ARHGAP39: variants seen among roughly 807,000 people sequenced by gnomAD.
ARHGAP39 encodes rho GTPase-activating protein 39.
In ARHGAP39, 44 loss-of-function variants were observed where a neutral mutation model predicts 106.9. The observed-to-expected ratio is 0.41, with a 90% CI of 0.32 to 0.53. ARHGAP39 has a LOEUF of 0.53. Ranked by LOEUF, ARHGAP39 falls within the 20% of genes least tolerant of loss-of-function variation. The pLI is 0.21. For synonymous variants in ARHGAP39, 768 were observed against 693.2 expected, an observed-to-expected ratio of 1.11 and a Z score of -1.69; for missense variants, 1,496 against 1,577.3, an observed-to-expected ratio of 0.95 and a Z score of 0.87.
intron 1 of ARHGAP39, among the ~76,000 whole-genome samples, chr8:144,606,932 A>G (rs535724641): frequency 6.6e-6 from 1 of 152,232 alleles, no homozygotes; most frequent in Admixed American, 6.5e-5. Context: ...CAATGCACAA[A>G]AGAAAAATTA....
At chr8:144,689,741 ATTTTT>A (rs71320838), upstream of ARHGAP39, among the ~76,000 whole-genome samples, 4 of 119,910 alleles carry the variant, frequency 3.3e-5, no homozygotes, top group Non-Finnish European at 1.7e-5. Context: ...CACCTGACTA[ATTTTT>A]TTTTTTTTTT....
At chr8:144,685,162 G>A (rs1208139432) in intron 1 of ARHGAP39, among the ~76,000 whole-genome samples, 4 of 148,602 alleles carry the variant, frequency 2.7e-5, no homozygotes, top group African/African-American at 9.9e-5. Context: ...CACCTCCCTC[G>A]GGCAGGAGCA....
At chr8:144,602,192 T>G (rs369372480) in intron 2 of ARHGAP39, among the ~76,000 whole-genome samples, 1 of 140,834 alleles carries the variant, frequency 7.1e-6, no homozygotes, top group Admixed American at 7.4e-5. Context: ...TGTACCTGTG[T>G]GTGCATGGAG....
intron 2 of ARHGAP39, among the ~76,000 whole-genome samples, chr8:144,597,893 C>T (rs1215875152): frequency 4.6e-5 from 7 of 152,058 alleles, no homozygotes; most frequent in South Asian, 4.2e-4. Flanking sequence ...CAACGGTACC[C>T]GGAACAGACA....
chr8:144,629,037 C>G (rs757512403), intron 1 of ARHGAP39, among the ~76,000 whole-genome samples: 30 of 152,224 alleles, frequency 2.0e-4, no homozygotes, highest in Non-Finnish European at 4.1e-4. Flanking sequence ...CCTCCCTCCC[C>G]CAAAGGTGTT....
chr8:144,588,391 C>T (rs1475197871), intron 2 of ARHGAP39, among the ~76,000 whole-genome samples: 6 of 152,262 alleles, frequency 3.9e-5, no homozygotes, highest in East Asian at 3.8e-4. Context: ...TGCACCTCCT[C>T]GAACACTTCT....
intron 3 of ARHGAP39, among the ~76,000 whole-genome samples, chr8:144,577,362 A>C (rs1346514834): frequency 6.6e-6 from 1 of 152,220 alleles, no homozygotes; most frequent in African/African-American, 2.4e-5. Flanking sequence ...ATCTTAACTG[A>C]TACAGAAAAG....
At chr8:144,538,613 G>C (rs1257656909) in intron 6 of ARHGAP39, among the ~76,000 whole-genome samples, 1 of 152,268 alleles carries the variant, frequency 6.6e-6, no homozygotes, top group Non-Finnish European at 1.5e-5. Context: ...GCTGGAGTGA[G>C]TGGTGCGATC....
chr8:144,543,240 T>G (rs766334857), intron 6 of ARHGAP39, among the ~76,000 whole-genome samples: 1 of 152,098 alleles, frequency 6.6e-6, no homozygotes, highest in African/African-American at 2.4e-5. Flanking sequence ...CCCAGAGTGC[T>G]GGGATTCCAG....
At chr8:144,561,416 T>C (rs900145087) in intron 3 of ARHGAP39, among the ~76,000 whole-genome samples, 1 of 145,436 alleles carries the variant, frequency 6.9e-6, no homozygotes, top group African/African-American at 2.5e-5. Context: ...ACTCCAGTGG[T>C]TTCCATCACA....
At chr8:144,557,612 G>C (rs370092908) in intron 3 of ARHGAP39, among the ~76,000 whole-genome samples, 48 of 73,854 alleles carry the variant, frequency 6.5e-4, no homozygotes, top group African/African-American at 1.0e-3. Context: ...AGAGGCAAAG[G>C]CTGAACCTTC....
intron 1 of ARHGAP39, among the ~76,000 whole-genome samples, chr8:144,667,552 C>T (rs866471029): frequency 6.6e-6 from 1 of 152,212 alleles, no homozygotes; most frequent in Non-Finnish European, 1.5e-5. Context: ...TGGGATGTCC[C>T]GGCACCTGGG....
intron 1 of ARHGAP39, among the ~76,000 whole-genome samples, chr8:144,628,471 C>G (rs1820981114): frequency 6.6e-6 from 1 of 152,124 alleles, no homozygotes. Flanking sequence ...AAACGGCAAT[C>G]CTGAATGTAC....
Position 144,641,437 on chromosome 8 carries a change from T to A in ARHGAP39, c.-81-35742A>T, listed in dbSNP as rs1821311402. Among the ~76,000 whole-genome samples, 1 of 150,352 alleles carries A rather than the reference T, an allele frequency of 6.7e-6. No homozygotes were observed. The highest frequency in any genetic ancestry group is 1.5e-5 in the Non-Finnish European group (1 of 67,632). The stretch of plus-strand genomic sequence containing the variant: ...GAAGCTGACCACCAAGACCCCACCA[T>A]GCTCACATCGAGGAGGAATGCAGTG... On this transcript the variant is annotated intron_variant, in intron 1 of 11. Coordinates refer to ENST00000377307, the MANE Select transcript of ARHGAP39 (RefSeq NM_025251.3). This position sits in a 1 kb window ranked among gnomAD's most constrained non-coding sequence, Gnocchi z 5.2.
rs1822075336 is a variant in ARHGAP39, at chr8:144,670,514, G to T, written c.-82+15172C>A. ...TGATGTGCTCCGGACATAAAAGCCT[G>T]GGCAAGGCTTCAAGAAGACTATTTT... is the stretch of plus-strand genomic sequence containing the variant. On this transcript the variant is annotated intron_variant, in intron 1 of 11. Coordinates refer to ENST00000377307, the MANE Select transcript of ARHGAP39 (RefSeq NM_025251.3). This position sits in a 1 kb window ranked among gnomAD's most constrained non-coding sequence, Gnocchi z 4.4. Among the ~76,000 whole-genome samples the T allele has an allele frequency of 1.3e-5, 2 of 152,158 alleles. No individual in the cohort carries two copies. Among genetic ancestry groups the T allele is most frequent in the Admixed American group, 1.3e-4 (2 of 15,276 alleles).
At chr8:144,688,043 C>T (rs1341617010), upstream of ARHGAP39, among the ~76,000 whole-genome samples, 3 of 152,220 alleles carry the variant, frequency 2.0e-5, no homozygotes, top group Admixed American at 6.5e-5. Flanking sequence ...CATTTCCCAC[C>T]CTGGTGACCA....
rs560716160 is a variant in ARHGAP39 at position 144,536,660 on chromosome 8, G to A, written c.2614+1061C>T. On this transcript the variant is annotated intron_variant, in intron 7 of 11. Transcript: ENST00000377307. Reference sequence around the variant, plus strand: ...TGGGTGAGGCCAGGCTGGGTGACTCGGGACTGGGCCAGGGACCCCTGGCAC... The same window carrying A: ...TGGGTGAGGCCAGGCTGGGTGACTCAGGACTGGGCCAGGGACCCCTGGCAC... Among the ~76,000 whole-genome samples, 16 of 152,230 alleles carry A rather than the reference G, an allele frequency of 1.1e-4. 2 individuals carry two copies. The highest frequency in any genetic ancestry group is 6.2e-4 in the South Asian group (3 of 4,820).
Position 144,591,214 on chromosome 8 carries a change from C to G in ARHGAP39, c.81-9937G>C, listed in dbSNP as rs149751380. 9.7e-4 allele frequency among the ~76,000 whole-genome samples: 148 copies of G among 152,332 alleles called. No homozygotes were observed. Among genetic ancestry groups the G allele is most frequent in the African/African-American group, 3.4e-3 (143 of 41,578 alleles). On this transcript the variant is annotated intron_variant, in intron 2 of 11. Coordinates refer to ENST00000377307, the MANE Select transcript of ARHGAP39 (RefSeq NM_025251.3). The surrounding 1 kb of genome is among the most constrained non-coding windows in gnomAD (Gnocchi z 5.3). ...TACACCTCCTCTCCCCAGCCGGAGC[C>G]TGGACCCCAATGGACAGCTGCTCTG...
chr8:144,633,258 A>C (rs1821108066), intron 1 of ARHGAP39, among the ~76,000 whole-genome samples: 1 of 152,120 alleles, frequency 6.6e-6, no homozygotes, highest in Admixed American at 6.6e-5. Context: ...GGAGATTGGG[A>C]CCATCCTGGC....
Sources: gnomAD v4.1 joint callset for allele counts (sites outside exome capture counted in the v4.1 genomes callset) on GRCh38, gnomAD v4.1.1 for gene constraint, Gnocchi (gnomAD v3.1) non-coding constraint, MANE v1.5 for transcripts, NCBI Gene and HGNC (gene_info 2026-07-23, HGNC 2026-07-21) for gene names.